The following LRBA variants were observed in gnomAD, a reference collection of about 807,000 sequenced individuals.
LRBA encodes the protein lipopolysaccharide-responsive and beige-like anchor protein.
Under a neutral mutation model 330.0 loss-of-function variants are expected in LRBA, and 176 were observed. The observed-to-expected ratio is 0.53, with a 90% confidence interval of 0.47 to 0.60. The LOEUF (loss-of-function observed/expected upper bound fraction) is 0.60, where lower values mean the gene tolerates loss of function less well. Among genes scored for constraint, LRBA ranks in the 20% least tolerant of loss-of-function variants. The probability of loss-of-function intolerance (pLI) is 0.00; values close to 1 mark genes in which losing one functional copy is unlikely to be tolerated. For missense variants in LRBA, 3,259 were observed against 3,444.8 expected (o/e 0.95, Z 1.35); for synonymous variants, 1,230 against 1,193.0 (o/e 1.03, Z -0.64).
At chr4:150,906,758 A>G (rs1731382926) in intron 11 of LRBA, among the ~76,000 whole-genome samples, 2 of 152,184 alleles carry the variant, frequency 1.3e-5, no homozygotes, top group South Asian at 4.1e-4. Flanking sequence ...GATATAACTT[A>G]GATAAGCAAG....
At chr4:150,930,737 T>C (rs749802322) in intron 2 of LRBA, among the ~76,000 whole-genome samples, 9 of 152,206 alleles carry the variant, frequency 5.9e-5, no homozygotes, top group Non-Finnish European at 1.3e-4. Flanking sequence ...CAAGAACTCC[T>C]GGCAAGCACA....
chr4:150,614,347 T>C (rs1390334914), intron 37 of LRBA, among the ~76,000 whole-genome samples: 2 of 152,082 alleles, frequency 1.3e-5, no homozygotes, highest in South Asian at 2.1e-4. Flanking sequence ...AAAATTAGAC[T>C]ATAGGGAAGA....
chr4:150,844,017 A>G (rs913838684), intron 28 of LRBA, 83 bp downstream of exon 28: 93 of 812,290 alleles, frequency 1.1e-4, no homozygotes, highest in Non-Finnish European at 1.8e-4. Flanking sequence ...GATATCACAA[A>G]GAATTTTTAA....
At chr4:150,900,563 C>T (rs745864505) in intron 13 of LRBA, among the ~76,000 whole-genome samples, 12 of 152,056 alleles carry the variant, frequency 7.9e-5, no homozygotes, top group Admixed American at 1.3e-4. Context: ...ATTACTTATG[C>T]TATCTATGCA....
intron 44 of LRBA, among the ~76,000 whole-genome samples, chr4:150,453,381 G>GAT (rs1168008264): frequency 6.6e-6 from 1 of 152,146 alleles, no homozygotes; most frequent in Non-Finnish European, 1.5e-5. Flanking sequence ...ATGGCCGATT[G>GAT]ATTTCCAACA....
At chr4:150,345,864 G>A (rs1736222849) in intron 48 of LRBA, among the ~76,000 whole-genome samples, 1 of 151,918 alleles carries the variant, frequency 6.6e-6, no homozygotes, top group Non-Finnish European at 1.5e-5. Flanking sequence ...GGATTGCCAT[G>A]GTACAATCAT....
intron 48 of LRBA, among the ~76,000 whole-genome samples, chr4:150,338,802 T>C (rs938333945): frequency 6.6e-6 from 1 of 152,202 alleles, no homozygotes; most frequent in Non-Finnish European, 1.5e-5. Flanking sequence ...GAGGAACTTA[T>C]AGCTAGACAT....
chr4:150,835,025 C>A (rs1747807109), intron 28 of LRBA, among the ~76,000 whole-genome samples: 1 of 152,162 alleles, frequency 6.6e-6, no homozygotes, highest in South Asian at 2.1e-4. Context: ...CTACATATGG[C>A]TAGCTAGTTT....
intron 5 of LRBA, among the ~76,000 whole-genome samples, chr4:150,919,383 G>GC (rs1412052504): frequency 2.0e-5 from 3 of 152,132 alleles, no homozygotes; most frequent in Non-Finnish European, 4.4e-5. Context: ...AAGCTGTTTT[G>GC]TAAAAAATTC....
intron 36 of LRBA, among the ~76,000 whole-genome samples, chr4:150,689,812 C>A (rs1455091076): frequency 6.6e-6 from 1 of 152,032 alleles, no homozygotes; most frequent in Non-Finnish European, 1.5e-5. Context: ...TTAGTCCTAG[C>A]TACTTGGGAG....
intron 34 of LRBA, among the ~76,000 whole-genome samples, chr4:150,786,805 T>TGC (rs1478794945): frequency 8.5e-5 from 13 of 152,344 alleles, no homozygotes; most frequent in African/African-American, 2.9e-4. Context: ...GTATGTGTAT[T>TGC]AAACTTTTTC....
chr4:150,647,362 T>TTTC (rs1779256179), intron 37 of LRBA, among the ~76,000 whole-genome samples: 1 of 136,364 alleles, frequency 7.3e-6, no homozygotes, highest in African/African-American at 2.7e-5. Context: ...CTTTTTTTTT[T>TTTC]TTTTTTTTTT....
chr4:150,357,585 T>A (rs1415275291), intron 47 of LRBA, among the ~76,000 whole-genome samples: 1 of 151,694 alleles, frequency 6.6e-6, no homozygotes, highest in African/African-American at 2.4e-5. Flanking sequence ...TCATCTAAAA[T>A]CTAGGAATTC....
At chr4:150,391,741 CATGTGCCAGGTA>C (rs1391043125) in intron 47 of LRBA, among the ~76,000 whole-genome samples, 1 of 151,960 alleles carries the variant, frequency 6.6e-6, no homozygotes, top group Non-Finnish European at 1.5e-5. Context: ...CAAGTGATAC[CATGTGCCAGGTA>C]ATGTGCTAGG....
intron 9 of LRBA, among the ~76,000 whole-genome samples, chr4:150,910,363 C>T (rs1404739358): frequency 1.3e-5 from 2 of 152,040 alleles, no homozygotes; most frequent in Non-Finnish European, 2.9e-5. Flanking sequence ...AAGTATAAAA[C>T]TTTTCTTTCT....
chr4:150,743,116 T>C (rs542761500), intron 35 of LRBA, among the ~76,000 whole-genome samples: 22 of 152,192 alleles, frequency 1.4e-4, no homozygotes, highest in African/African-American at 5.3e-4. Context: ...TACAGGTACA[T>C]GAGTCACCAC....
chr4:150,878,431 G>A (rs1364235537), intron 17 of LRBA, among the ~76,000 whole-genome samples: 6 of 151,672 alleles, frequency 4.0e-5, no homozygotes, highest in Non-Finnish European at 7.4e-5. Flanking sequence ...ACACCTAGAG[G>A]AACTAGAAAA....
At chr4:150,639,588 C>CAAA (rs879128535) in intron 37 of LRBA, among the ~76,000 whole-genome samples, 1 of 46,256 alleles carries the variant, frequency 2.2e-5, no homozygotes, top group African/African-American at 8.5e-5. Context: ...GCAGAAGGAG[C>CAAA]AAAAAAAAAA....
At chr4:150,985,626 G>A (rs994873781) in intron 2 of LRBA, among the ~76,000 whole-genome samples, 2 of 151,774 alleles carry the variant, frequency 1.3e-5, no homozygotes, top group Non-Finnish European at 2.9e-5. Context: ...AGCCTCCCGA[G>A]TAGCCAGGAC....
Sources: allele counts gnomAD v4.1 joint callset (sites outside exome capture counted in the v4.1 genomes callset), GRCh38; gene constraint gnomAD v4.1.1; transcripts MANE v1.5; gene names NCBI Gene and HGNC (gene_info 2026-07-23, HGNC 2026-07-21).